NCAM1: variants seen among roughly 807,000 people sequenced by gnomAD.
NCAM1 encodes neural cell adhesion molecule 1, also known as antigen recognized by monoclonal antibody 5.1H11.
NCAM1 carries 14 observed loss-of-function variants against 109.8 expected under a neutral mutation model. The observed-to-expected ratio is 0.13, with a 90% CI of 0.08 to 0.20. The LOEUF (loss-of-function observed/expected upper bound fraction) is 0.20, where lower values mean the gene tolerates loss of function less well. Ranked by LOEUF, NCAM1 falls within the 10% of genes least tolerant of loss-of-function variation. NCAM1 has a pLI of 1.00. For missense variants in NCAM1, 774 were observed against 1,109.9 expected (o/e 0.70, Z 4.30); for synonymous variants, 418 against 442.9 (o/e 0.94, Z 0.70).
At chr11:113,030,477 ATTAAGATGTTATCTCTCATTGATGG>A (rs1268053368) in intron 1 of NCAM1, among the ~76,000 whole-genome samples, 2 of 152,212 alleles carry the variant, frequency 1.3e-5, no homozygotes, top group Non-Finnish European at 1.5e-5. Context: ...TTCTTCCAGA[ATTAAGATGTTATCTCTCATTGATGG>A]TTAAGATGGA....
intron 14 of NCAM1, among the ~76,000 whole-genome samples, chr11:113,241,569 G>T (rs1945326584): frequency 6.6e-6 from 1 of 152,152 alleles, no homozygotes. Flanking sequence ...ATGTCAGCTG[G>T]TCGCTCTCAG....
chr11:113,187,561 T>TTC (rs1423836297), intron 1 of NCAM1, among the ~76,000 whole-genome samples: 1 of 95,322 alleles, frequency 1.0e-5, no homozygotes, highest in Non-Finnish European at 2.1e-5. Context: ...GTGTGTGTGT[T>TTC]TCTGTGTGTG....
At chr11:113,223,784 C>T in intron 9 of NCAM1, among the ~76,000 whole-genome samples, 1 of 152,160 alleles carries the variant, frequency 6.6e-6, no homozygotes, top group East Asian at 1.9e-4. Context: ...CCTTAAGTTC[C>T]CTCTGCCTGC....
At chr11:113,194,534 T>C (rs1381070001) in intron 1 of NCAM1, among the ~76,000 whole-genome samples, 6 of 152,076 alleles carry the variant, frequency 3.9e-5, no homozygotes, top group African/African-American at 1.2e-4. Flanking sequence ...AGCCCAAGGG[T>C]CTCCTTCAAG....
intron 1 of NCAM1, among the ~76,000 whole-genome samples, chr11:113,201,607 C>T (rs1469328191): frequency 6.6e-6 from 1 of 152,150 alleles, no homozygotes; most frequent in South Asian, 2.1e-4. Context: ...TGAGATCTGG[C>T]GCAGTGTATT....
chr11:113,205,798 C>A, intron 4 of NCAM1, 132 bp downstream of exon 4: 1 of 1,301,770 alleles, frequency 7.7e-7, no homozygotes, highest in Non-Finnish European at 1.1e-6. Context: ...GTTTCTGGGT[C>A]CTGAATAGAT....
intron 1 of NCAM1, among the ~76,000 whole-genome samples, chr11:112,989,172 G>A (rs1940717): frequency 0.14 from 20,735 of 152,154 alleles, 1,458 homozygotes; most frequent in African/African-American, 0.15. Context: ...GGAGTTTTGA[G>A]ATGATTTCTT....
chr11:113,134,913 C>G (rs1350533461), intron 1 of NCAM1, among the ~76,000 whole-genome samples: 1 of 152,056 alleles, frequency 6.6e-6, no homozygotes, highest in Non-Finnish European at 1.5e-5. Flanking sequence ...CCCTATGATC[C>G]TGAGTAGCAG....
chr11:113,147,572 G>T (rs1048247033), intron 1 of NCAM1, among the ~76,000 whole-genome samples: 2 of 152,168 alleles, frequency 1.3e-5, no homozygotes, highest in Non-Finnish European at 2.9e-5. Flanking sequence ...CTCTGCTAAT[G>T]GGAGATTCAG....
At chr11:113,176,205 G>A (rs782186678) in intron 1 of NCAM1, among the ~76,000 whole-genome samples, 6 of 152,094 alleles carry the variant, frequency 3.9e-5, no homozygotes, top group Admixed American at 1.3e-4. Context: ...CCAACTGCAC[G>A]AACCCCCTGA....
rs562142055 is a variant in NCAM1 at position 113,199,750 on chromosome 11, T to G, written c.53-2629T>G. Among the ~76,000 whole-genome samples the G allele has an allele frequency of 1.5e-3, 227 of 147,638 alleles. 1 individual carries two copies. Among genetic ancestry groups the G allele is most frequent in the Admixed American group, 4.2e-3 (61 of 14,522 alleles). On this transcript the variant is annotated intron_variant, in intron 1 of 19. Coordinates refer to ENST00000316851, the MANE Select transcript of NCAM1 (RefSeq NM_181351.5). ...TATACATATGTAACTAACCTGCACA[T>G]TGTGCACATGTACCCTAAAACTTAA...
At chr11:113,040,692 C>T (rs1402109961) in intron 1 of NCAM1, among the ~76,000 whole-genome samples, 3 of 152,324 alleles carry the variant, frequency 2.0e-5, no homozygotes, top group East Asian at 3.9e-4. Context: ...ACCATCAATA[C>T]AGTAAATGAT....
chr11:113,157,136 G>GACACACACAC (rs112454729), intron 1 of NCAM1, among the ~76,000 whole-genome samples: 6,309 of 146,904 alleles, frequency 0.043, 227 homozygotes, highest in African/African-American at 0.09. Flanking sequence ...GTTTCCCTGA[G>GACACACACAC]ACACACACAC....
At chr11:113,264,746 A>T (rs1250666217) in intron 17 of NCAM1, 1 of 985,296 alleles carries the variant, frequency 1.0e-6, no homozygotes, top group Non-Finnish European at 1.2e-6. Context: ...TGGCCCTGTC[A>T]TCTCAACACA....
chr11:113,168,976 A>C (rs1555105705), intron 1 of NCAM1, among the ~76,000 whole-genome samples: 1 of 151,642 alleles, frequency 6.6e-6, no homozygotes, highest in Admixed American at 6.6e-5. Flanking sequence ...TGGAGGCAGG[A>C]TGTAAATGTG....
chr11:113,019,161 G>A (rs1482079375), intron 1 of NCAM1, among the ~76,000 whole-genome samples: 1 of 151,972 alleles, frequency 6.6e-6, no homozygotes, highest in Non-Finnish European at 1.5e-5. Context: ...TGCGCCATTC[G>A]ATAGGCTGTG....
At chr11:113,121,211 CCAA>C (rs1421507901) in intron 1 of NCAM1, among the ~76,000 whole-genome samples, 1 of 131,006 alleles carries the variant, frequency 7.6e-6, no homozygotes, top group Non-Finnish European at 1.5e-5. Context: ...TTTCTGAGCT[CCAA>C]CAACACCAAT....
intron 1 of NCAM1, among the ~76,000 whole-genome samples, chr11:113,149,109 C>T (rs1942127652): frequency 1.3e-5 from 2 of 152,200 alleles, no homozygotes; most frequent in Admixed American, 1.3e-4. Flanking sequence ...TCAGACCAAG[C>T]ATCCTGAAAG....
At chr11:113,066,426 T>C (rs1555084241) in intron 1 of NCAM1, among the ~76,000 whole-genome samples, 3 of 152,332 alleles carry the variant, frequency 2.0e-5, no homozygotes, top group Middle Eastern at 3.4e-3. Flanking sequence ...TTTATCTCTA[T>C]TGCATCCATC....
Sources: gnomAD v4.1 joint callset for allele counts (sites outside exome capture counted in the v4.1 genomes callset) on GRCh38, gnomAD v4.1.1 for gene constraint, MANE v1.5 for transcripts, NCBI Gene and HGNC (gene_info 2026-07-23, HGNC 2026-07-21) for gene names.